Variants in XKR4 observed in about 807,000 individuals in gnomAD.
The protein encoded by XKR4 is XK-related protein 4.
A neutral mutation model predicts 53.9 loss-of-function variants in XKR4; 12 were observed. That is an observed-to-expected ratio of 0.22 (90% CI 0.14 to 0.36). The LOEUF is 0.36. XKR4 is among the 10% of genes least tolerant of loss of function. XKR4 has a pLI of 1.00. For missense variants in XKR4, 799 were observed against 859.5 expected, an observed-to-expected ratio of 0.93 and a Z score of 0.88; for synonymous variants, 354 against 362.4, an observed-to-expected ratio of 0.98 and a Z score of 0.26.
In XKR4 at chr8:55,147,944, G is replaced by A. The variant is rs559705353; in HGVS notation, c.806+44650G>A. 1.3e-4 allele frequency among the ~76,000 whole-genome samples: 20 copies of A among 152,198 alleles called. 1 individual carries two copies. The East Asian group carries it at 3.7e-3, about 28-fold the overall frequency. ...TCCATAGCTGTCTCTGTCTCTGGGG[G>A]ACAAGACTCTTGGACTCTCAGTGGG... is the stretch of plus-strand genomic sequence containing the variant. On this transcript the variant is annotated intron_variant, in intron 1 of 2. Transcript: ENST00000327381.
rs944004448 is a variant in XKR4, at chr8:55,534,443, G to A, written c.*10216G>A. 1 of 122,424 alleles carries A rather than the reference G, an allele frequency of 8.2e-6. No homozygotes were observed. The highest frequency in any genetic ancestry group is 3.0e-5 in the African/African-American group (1 of 33,064). 7.6% of individuals were successfully genotyped at this position (122,424 alleles called of 1,614,324 possible). ...GGCTGGAGTGCAGTGGCACAATCTC[G>A]GCTCACTGCAAGCTCTGCCTCCCAG... On this transcript the variant is annotated 3_prime_UTR_variant, in exon 3 of 3. Coordinates refer to ENST00000327381, the MANE Select transcript of XKR4 (RefSeq NM_052898.2).
intron 2 of XKR4, among the ~76,000 whole-genome samples, chr8:55,469,311 C>A (rs1490601426): frequency 6.6e-6 from 1 of 152,088 alleles, no homozygotes; most frequent in Non-Finnish European, 1.5e-5. Flanking sequence ...GGCAATGAAA[C>A]CCCTCTACAA....
chr8:55,387,629 C>G (rs1305506669), intron 2 of XKR4, among the ~76,000 whole-genome samples: 2 of 152,290 alleles, frequency 1.3e-5, no homozygotes, highest in Non-Finnish European at 2.9e-5. Flanking sequence ...GGACATAGAC[C>G]TTCTGCCCTC....
At chr8:55,352,895 C>T (rs757430890) in intron 1 of XKR4, among the ~76,000 whole-genome samples, 17 of 152,036 alleles carry the variant, frequency 1.1e-4, no homozygotes, top group Non-Finnish European at 2.2e-4. Flanking sequence ...TAGTAAAGGC[C>T]GAAAATGCCC....
intron 2 of XKR4, among the ~76,000 whole-genome samples, chr8:55,459,156 G>T (rs1805612266): frequency 6.6e-6 from 1 of 152,024 alleles, no homozygotes; most frequent in Non-Finnish European, 1.5e-5. Flanking sequence ...TAACAAAGAG[G>T]CCAAGACAAT....
At chr8:55,429,979 G>A (rs1482352702) in intron 2 of XKR4, among the ~76,000 whole-genome samples, 1 of 152,072 alleles carries the variant, frequency 6.6e-6, no homozygotes, top group African/African-American at 2.4e-5. Flanking sequence ...ATGGGCAAAT[G>A]ATATGAAGAG....
intron 2 of XKR4, among the ~76,000 whole-genome samples, chr8:55,481,862 G>A (rs1806113802): frequency 6.6e-6 from 1 of 152,148 alleles, no homozygotes; most frequent in South Asian, 2.1e-4. Context: ...TCTCACACCA[G>A]TTAGAATGGA....
At chr8:55,432,249 G>A (rs925448469) in intron 2 of XKR4, among the ~76,000 whole-genome samples, 5 of 152,120 alleles carry the variant, frequency 3.3e-5, no homozygotes, top group South Asian at 2.1e-4. Flanking sequence ...TGGCTCCACC[G>A]TTTACTAGCT....
At chr8:55,143,497 T>C (rs1416194330) in intron 1 of XKR4, among the ~76,000 whole-genome samples, 4 of 152,216 alleles carry the variant, frequency 2.6e-5, no homozygotes, top group Admixed American at 6.5e-5. Flanking sequence ...CTGATAAAAT[T>C]TTGATTTTCC....
intron 2 of XKR4, among the ~76,000 whole-genome samples, chr8:55,483,162 C>T (rs1317279387): frequency 3.3e-5 from 5 of 152,054 alleles, no homozygotes; most frequent in Admixed American, 1.3e-4. Flanking sequence ...ACCCGGATTC[C>T]AGACATTAAT....
At chr8:55,434,568 C>T (rs981311320) in intron 2 of XKR4, among the ~76,000 whole-genome samples, 2 of 152,116 alleles carry the variant, frequency 1.3e-5, no homozygotes, top group African/African-American at 4.8e-5. Flanking sequence ...AAAAGCTACA[C>T]CTCATTAACA....
intron 1 of XKR4, among the ~76,000 whole-genome samples, chr8:55,235,172 T>C (rs1043056657): frequency 1.3e-5 from 2 of 152,220 alleles, no homozygotes; most frequent in African/African-American, 4.8e-5. Flanking sequence ...ACCCAGTCTC[T>C]GTCTCCATCC....
chr8:55,132,466 AAAATT>A (rs1816570248), intron 1 of XKR4, among the ~76,000 whole-genome samples: 1 of 152,236 alleles, frequency 6.6e-6, no homozygotes, highest in Admixed American at 6.5e-5. Context: ...ATAATAACTA[AAAATT>A]AAATAAAACA....
chr8:55,203,245 G>GTCC (rs1397695540), intron 1 of XKR4, among the ~76,000 whole-genome samples: 2 of 152,222 alleles, frequency 1.3e-5, no homozygotes, highest in Non-Finnish European at 2.9e-5. Flanking sequence ...CTGCCATGCT[G>GTCC]TCCTCGCTTC....
At chr8:55,449,990 C>G (rs996594860) in intron 2 of XKR4, 2 of 816,090 alleles carry the variant, frequency 2.5e-6, no homozygotes, top group African/African-American at 3.4e-5. Flanking sequence ...AGGTACATAC[C>G]CAGCGAGCAG....
intron 2 of XKR4, among the ~76,000 whole-genome samples, chr8:55,437,626 A>G (rs1268611412): frequency 1.3e-5 from 2 of 152,194 alleles, no homozygotes; most frequent in Non-Finnish European, 2.9e-5. Context: ...TTGAGTGCTC[A>G]CTGTGTAAGC....
At chr8:55,313,997 A>T (rs1357138762) in intron 1 of XKR4, among the ~76,000 whole-genome samples, 2 of 152,200 alleles carry the variant, frequency 1.3e-5, no homozygotes, top group Non-Finnish European at 2.9e-5. Flanking sequence ...AATAATAATG[A>T]TAACTTATGA....
chr8:55,450,039 G>A (rs1805410325), intron 2 of XKR4: 1 of 782,940 alleles, frequency 1.3e-6, no homozygotes, highest in Non-Finnish European at 2.2e-6. Flanking sequence ...GGGAGCTAGG[G>A]GTGCCACGTC....
chr8:55,404,996 T>C (rs116383179), intron 2 of XKR4, among the ~76,000 whole-genome samples: 194 of 152,314 alleles, frequency 1.3e-3, no homozygotes, highest in African/African-American at 4.5e-3. Flanking sequence ...ATGCCTGTCT[T>C]GCCACAACGA....
Sources: gnomAD v4.1 joint callset for allele counts (sites outside exome capture counted in the v4.1 genomes callset) on GRCh38, gnomAD v4.1.1 for gene constraint, MANE v1.5 for transcripts, NCBI Gene and HGNC (gene_info 2026-07-23, HGNC 2026-07-21) for gene names.